Variants in VPS35L observed in about 807,000 individuals in gnomAD.
VPS35L encodes VPS35 endosomal protein sorting factor like, also known as VPS35 endosomal protein-sorting factor-like.
In VPS35L, 83 loss-of-function variants were observed where a neutral mutation model predicts 133.0. That is an observed-to-expected ratio of 0.62 (90% CI 0.52 to 0.75). The LOEUF is 0.75. Among genes scored for constraint, VPS35L ranks in the 30% least tolerant of loss-of-function variants. The pLI is 0.00. For missense variants in VPS35L, 1,083 were observed against 1,206.8 expected (o/e 0.90, Z 1.52); for synonymous variants, 423 against 449.9 (o/e 0.94, Z 0.76).
intron 29 of VPS35L, among the ~76,000 whole-genome samples, chr16:19,693,217 A>G (rs1035698257): frequency 1.3e-5 from 2 of 152,166 alleles, no homozygotes. Flanking sequence ...ACCCGTGAGT[A>G]TCAGACGAGG....
chr16:19,692,165 T>C (rs1355690912), intron 29 of VPS35L, among the ~76,000 whole-genome samples: 5 of 152,026 alleles, frequency 3.3e-5, no homozygotes, highest in African/African-American at 1.2e-4. Context: ...CGTGAGCCAC[T>C]GCACCCGGCC....
At chr16:19,637,732 A>T in intron 20 of VPS35L, 76 bp downstream of exon 20, 2 of 1,035,418 alleles carry the variant, frequency 1.9e-6, no homozygotes, top group Non-Finnish European at 2.9e-6. Context: ...TAATGTTTTC[A>T]TGATGCCCCA....
chr16:19,631,354 C>A (rs1973450695), intron 18 of VPS35L, among the ~76,000 whole-genome samples: 1 of 152,098 alleles, frequency 6.6e-6, no homozygotes. Flanking sequence ...CCCCGCAGAA[C>A]CCCCAGAACT....
At chr16:19,657,608 A>G (rs1974348324) in intron 26 of VPS35L, among the ~76,000 whole-genome samples, 1 of 152,188 alleles carries the variant, frequency 6.6e-6, no homozygotes, top group Non-Finnish European at 1.5e-5. Context: ...GGTTTACTCA[A>G]AAAGTTTGAG....
chr16:19,643,873 G>A (rs943815037), intron 22 of VPS35L, among the ~76,000 whole-genome samples: 11 of 151,966 alleles, frequency 7.2e-5, no homozygotes, highest in South Asian at 2.1e-4. Flanking sequence ...CAGGAGAATC[G>A]CTTGAACCTG....
chr16:19,620,502 G>A (rs898979866), intron 14 of VPS35L, among the ~76,000 whole-genome samples: 2 of 152,002 alleles, frequency 1.3e-5, no homozygotes, highest in African/African-American at 4.8e-5. Context: ...AATTACTGAC[G>A]AGTCTATAAT....
rs111933311 is a variant in VPS35L, at chr16:19,684,818, G to A, written c.2527+2428G>A. Among the ~76,000 whole-genome samples, 1,391 of 152,228 alleles carry A rather than the reference G, an allele frequency of 9.1e-3. 15 individuals are homozygous for A. The highest frequency in any genetic ancestry group is 0.032 in the African/African-American group (1,310 of 41,546). ...GTGCCTATAATCCCAGCACTTTGGGGGGCAGACGCAGGCGGATCACCTGAG... is the reference window on the plus strand; with the variant it reads ...GTGCCTATAATCCCAGCACTTTGGGAGGCAGACGCAGGCGGATCACCTGAG... On this transcript the variant is annotated intron_variant, in intron 28 of 30. Coordinates refer to ENST00000417362, the MANE Select transcript of VPS35L (RefSeq NM_020314.7).
chr16:19,570,883 A>ATTTTTTTTTT (rs1366924758), intron 3 of VPS35L, among the ~76,000 whole-genome samples: 2 of 67,786 alleles, frequency 3.0e-5, no homozygotes, highest in African/African-American at 1.5e-4. Context: ...ATATATATAT[A>ATTTTTTTTTT]TATATATTTT....
intron 29 of VPS35L, among the ~76,000 whole-genome samples, chr16:19,693,029 G>A (rs565257426): frequency 1.1e-3 from 163 of 152,330 alleles, no homozygotes; most frequent in South Asian, 7.2e-3. Flanking sequence ...GCAGCCCTGG[G>A]GGCCCGTAGC....
Position 19,650,419 on chromosome 16 carries a change from T to G in VPS35L, c.2066T>G (p.Met689Arg). Residue 689 changes from methionine to arginine, a missense_variant, in exon 25 of 31, where the codon ATG (methionine) becomes AGG (arginine). By Grantham distance (91) the Met-to-Arg change is moderately conservative. Transcript: ENST00000417362. ...TTGGCAATGGAGACAAGAAAAGTAA[T>G]GAAAGGAAATCATTCCAGAAAGACA... ...NRLAMETRKV[M>R]KGNHSRKTAA... The G allele has an allele frequency of 6.2e-7, 1 of 1,613,838 alleles. No homozygotes were observed. Among genetic ancestry groups the G allele is most frequent in the Non-Finnish European group, 8.5e-7 (1 of 1,179,766 alleles).
At chr16:19,588,977 A>G (rs1971958430) in intron 7 of VPS35L, among the ~76,000 whole-genome samples, 1 of 152,142 alleles carries the variant, frequency 6.6e-6, no homozygotes. Context: ...TAATTTTTCC[A>G]GTCATATTTT....
chr16:19,563,559 G>C (rs1380476889), intron 1 of VPS35L, among the ~76,000 whole-genome samples: 1 of 152,052 alleles, frequency 6.6e-6, no homozygotes, highest in African/African-American at 2.4e-5. Flanking sequence ...TGTGTGTTAG[G>C]CCTTCTCTTC....
At chr16:19,603,314 C>T (rs544086745) in intron 9 of VPS35L, among the ~76,000 whole-genome samples, 6 of 152,184 alleles carry the variant, frequency 3.9e-5, no homozygotes, top group Admixed American at 1.3e-4. Flanking sequence ...CCACTGGCCA[C>T]GTGTTGCTCT....
chr16:19,590,375 G>A (rs1034573856), intron 7 of VPS35L, among the ~76,000 whole-genome samples: 3 of 151,988 alleles, frequency 2.0e-5, no homozygotes, highest in Non-Finnish European at 4.4e-5. Context: ...CTTTCTAAAT[G>A]TCTGAACATC....
At chr16:19,558,877 C>T (rs1365241256) in intron 1 of VPS35L, among the ~76,000 whole-genome samples, 1 of 149,692 alleles carries the variant, frequency 6.7e-6, no homozygotes, top group African/African-American at 2.5e-5. Flanking sequence ...GAGCTGAGAT[C>T]GCGCCACTGC....
intron 28 of VPS35L, among the ~76,000 whole-genome samples, chr16:19,690,288 C>G (rs1975622217): frequency 6.6e-6 from 1 of 152,110 alleles, no homozygotes; most frequent in Non-Finnish European, 1.5e-5. Flanking sequence ...AGATTATGCT[C>G]TGTGTGAAGT....
intron 29 of VPS35L, among the ~76,000 whole-genome samples, chr16:19,698,112 G>C (rs922254175): frequency 1.3e-5 from 2 of 152,236 alleles, no homozygotes; most frequent in African/African-American, 4.8e-5. Context: ...CACAAGGCCA[G>C]AATCAAGGTC....
At chr16:19,663,229 T>G (rs1974545709) in intron 26 of VPS35L, among the ~76,000 whole-genome samples, 1 of 152,152 alleles carries the variant, frequency 6.6e-6, no homozygotes, top group Non-Finnish European at 1.5e-5. Context: ...GAGAATCACT[T>G]GAACCCAGGA....
At chr16:19,623,611 G>A (rs544425929) in intron 14 of VPS35L, among the ~76,000 whole-genome samples, 75 of 152,032 alleles carry the variant, frequency 4.9e-4, no homozygotes, top group African/African-American at 1.7e-3. Flanking sequence ...TATCTCCAAC[G>A]TCAGCTCTCA....
Sources: gnomAD v4.1 joint callset for allele counts (sites outside exome capture counted in the v4.1 genomes callset) on GRCh38, gnomAD v4.1.1 for gene constraint, MANE v1.5 for transcripts, NCBI Gene and HGNC (gene_info 2026-07-23, HGNC 2026-07-21) for gene names.